ADAMTS17: variants seen among roughly 807,000 people sequenced by gnomAD.
The protein encoded by ADAMTS17 is ADAM metallopeptidase with thrombospondin type 1 motif 17.
Under a neutral mutation model 141.5 loss-of-function variants are expected in ADAMTS17, and 113 were observed. The observed-to-expected ratio is 0.80, with a 90% CI of 0.69 to 0.93. The LOEUF (loss-of-function observed/expected upper bound fraction) is 0.93. Among genes scored for constraint, ADAMTS17 ranks in the 40% least tolerant of loss-of-function variants. ADAMTS17 has a pLI of 0.00. For synonymous variants in ADAMTS17, 768 were observed against 630.6 expected (o/e 1.22, Z -3.27); for missense variants, 1,659 against 1,517.9 (o/e 1.09, Z -1.54).
chr15:100,245,427 G>T (rs934326591), intron 7 of ADAMTS17, among the ~76,000 whole-genome samples: 2 of 152,228 alleles, frequency 1.3e-5, no homozygotes, highest in African/African-American at 4.8e-5. Context: ...TTGCTTTCCA[G>T]CCCAAAAGGC....
intron 7 of ADAMTS17, among the ~76,000 whole-genome samples, chr15:100,221,697 C>T (rs977965620): frequency 1.3e-5 from 2 of 152,170 alleles, no homozygotes; most frequent in South Asian, 2.1e-4. Context: ...AAGTTCTTCC[C>T]GAAGGCTGTT....
chr15:100,216,873 C>G (rs28472965), intron 7 of ADAMTS17, among the ~76,000 whole-genome samples: 2 of 152,110 alleles, frequency 1.3e-5, no homozygotes. Context: ...AGATTAGATT[C>G]GAAACACACA....
At position 100,126,371 on chromosome 15, in the gene ADAMTS17, T is replaced by A. The variant is rs1002803136; in HGVS notation, c.1721+5636A>T. 6 of 152,230 alleles carry A rather than the reference T, an allele frequency of 3.9e-5. No homozygotes were observed. The East Asian group carries it at 1.2e-3, about 29-fold the overall frequency. The allele number at this position is 152,230 out of a possible 1,614,324, so 9.4% of individuals were successfully genotyped here. On this transcript the variant is annotated intron_variant, in intron 12 of 21. Coordinates refer to ENST00000268070, the MANE Select transcript of ADAMTS17 (RefSeq NM_139057.4). ...AGAGCTACGGTGCCACTGCGAAAGA[T>A]CGAAGAGACTACCAAGGTGTAAATA...
At chr15:100,099,874 C>T (rs1406024100) in intron 14 of ADAMTS17, among the ~76,000 whole-genome samples, 2 of 152,150 alleles carry the variant, frequency 1.3e-5, no homozygotes, top group Non-Finnish European at 2.9e-5. Flanking sequence ...CTGAGGAGGG[C>T]ACAGGATGGG....
chr15:100,319,565 G>A (rs57834298), intron 3 of ADAMTS17, among the ~76,000 whole-genome samples: 13,637 of 152,148 alleles, frequency 0.09, 679 homozygotes, highest in Non-Finnish European at 0.1. Flanking sequence ...AAAAAAATTA[G>A]CTGGGCATGG....
chr15:100,282,786 A>T (rs948541988), intron 3 of ADAMTS17, among the ~76,000 whole-genome samples: 3 of 152,252 alleles, frequency 2.0e-5, no homozygotes, highest in Non-Finnish European at 4.4e-5. Context: ...AACTATAGAT[A>T]AAGCCAACAA....
intron 3 of ADAMTS17, among the ~76,000 whole-genome samples, chr15:100,320,563 T>C (rs1458420200): frequency 6.6e-6 from 1 of 152,220 alleles, no homozygotes; most frequent in Non-Finnish European, 1.5e-5. Context: ...CTGAACACCA[T>C]GGCCCACACC....
intron 18 of ADAMTS17, among the ~76,000 whole-genome samples, chr15:100,013,942 T>C (rs1038288258): frequency 6.6e-6 from 1 of 152,206 alleles, no homozygotes; most frequent in African/African-American, 2.4e-5. Context: ...TTTTGTGGAA[T>C]AGTGTCACAA....
intron 12 of ADAMTS17, chr15:100,128,935 T>C (rs190458113): frequency 1.2e-4 from 19 of 152,382 alleles, no homozygotes; most frequent in African/African-American, 4.1e-4. Flanking sequence ...GGGCTACCAA[T>C]GCCAGGGAAG....
At chr15:100,250,265 A>C (rs1424140166) in intron 7 of ADAMTS17, among the ~76,000 whole-genome samples, 1 of 152,326 alleles carries the variant, frequency 6.6e-6, no homozygotes, top group South Asian at 2.1e-4. Context: ...TATATACCAA[A>C]TTACACAACA....
At chr15:100,294,466 G>A (rs929035508) in intron 3 of ADAMTS17, among the ~76,000 whole-genome samples, 3 of 152,064 alleles carry the variant, frequency 2.0e-5, no homozygotes, top group African/African-American at 7.2e-5. Context: ...CAGATGCAGT[G>A]GCTCATACCT....
At chr15:100,186,388 T>G (rs2040719044) in intron 8 of ADAMTS17, among the ~76,000 whole-genome samples, 1 of 152,194 alleles carries the variant, frequency 6.6e-6, no homozygotes, top group Admixed American at 6.5e-5. Flanking sequence ...ACTACTATTA[T>G]AGGATGGGGT....
chr15:100,109,159 G>A (rs1281014406), intron 13 of ADAMTS17, 43 bp from the exon 14 acceptor site: 4 of 1,574,236 alleles, frequency 2.5e-6, no homozygotes, highest in Admixed American at 1.9e-5. Context: ...GGGAAGGTGT[G>A]CGTGGGCCAT....
intron 3 of ADAMTS17, among the ~76,000 whole-genome samples, chr15:100,305,042 G>A (rs2045174827): frequency 6.6e-6 from 1 of 152,154 alleles, no homozygotes; most frequent in African/African-American, 2.4e-5. Context: ...AAGACTTCCA[G>A]TCAAGCGCAG....
chr15:100,183,522 T>G (rs981329352), intron 8 of ADAMTS17, among the ~76,000 whole-genome samples: 1 of 152,162 alleles, frequency 6.6e-6, no homozygotes, highest in African/African-American at 2.4e-5. Flanking sequence ...TTCAATTTCT[T>G]TGATGAAATT....
At chr15:100,048,822 C>G in intron 18 of ADAMTS17, 35 bp downstream of exon 18, 1 of 1,614,064 alleles carries the variant, frequency 6.2e-7, no homozygotes, top group Non-Finnish European at 8.5e-7. Context: ...GCCCCAGACT[C>G]TGGTGGGTCC....
intron 4 of ADAMTS17, among the ~76,000 whole-genome samples, chr15:100,268,011 C>G (rs1308578585): frequency 6.6e-6 from 1 of 152,086 alleles, no homozygotes; most frequent in Non-Finnish European, 1.5e-5. Flanking sequence ...CCACATGTAC[C>G]CAGTGTTTAG....
chr15:100,189,352 G>A (rs530192660), intron 8 of ADAMTS17, among the ~76,000 whole-genome samples: 43 of 152,352 alleles, frequency 2.8e-4, no homozygotes, highest in African/African-American at 9.6e-4. Flanking sequence ...AGTAAGCCGA[G>A]TGTGGACCAA....
intron 2 of ADAMTS17, among the ~76,000 whole-genome samples, chr15:100,331,676 C>T (rs1001458983): frequency 9.9e-5 from 15 of 152,126 alleles, no homozygotes; most frequent in African/African-American, 3.4e-4. Context: ...GGAACAATCC[C>T]GAACTGCCTT....
Sources: allele counts gnomAD v4.1 joint callset (sites outside exome capture counted in the v4.1 genomes callset), GRCh38; gene constraint gnomAD v4.1.1; transcripts MANE v1.5; gene names NCBI Gene and HGNC (gene_info 2026-07-23, HGNC 2026-07-21).